EYS: variants seen among roughly 807,000 people sequenced by gnomAD.
The protein encoded by EYS is EGF-like photoreceptor maintenance factor, also known as protein eyes shut homolog.
A neutral mutation model predicts 282.1 loss-of-function variants in EYS; 250 were observed. The observed-to-expected ratio is 0.89, with a 90% CI of 0.80 to 0.98. EYS has a LOEUF of 0.98. Ranked by LOEUF, EYS falls within the 50% of genes least tolerant of loss-of-function variation. The probability of loss-of-function intolerance (pLI) is 0.00; values close to 1 mark genes in which losing one functional copy is unlikely to be tolerated. For synonymous variants in EYS, 1,355 were observed against 1,282.9 expected, an observed-to-expected ratio of 1.06 and a Z score of -1.20; for missense variants, 4,016 against 3,709.0, an observed-to-expected ratio of 1.08 and a Z score of -2.15.
intron 31 of EYS, among the ~76,000 whole-genome samples, chr6:64,203,516 T>G (rs184764239): frequency 8.2e-4 from 125 of 152,288 alleles, no homozygotes; most frequent in African/African-American, 3.0e-3. Context: ...CAGCATCCAC[T>G]AGACTAATTG....
Position 63,778,192 on chromosome 6 carries a change from G to A in EYS, c.7724-12C>T, listed in dbSNP as rs144282503. ...AGTGAAAATACAGCCTTGAAGAAAT[G>A]CAAAAACACTTCGTGTTAACAAACA... On this transcript the variant is annotated splice_polypyrimidine_tract_variant and intron_variant, in intron 39 of 42. Coordinates refer to ENST00000503581, the MANE Select transcript of EYS (RefSeq NM_001142800.2). 1.9e-4 allele frequency: 287 copies of A among 1,550,362 alleles called. 2 individuals are homozygous for A. In the East Asian group the frequency reaches 4.7e-3, roughly 26 times the overall value.
chr6:65,569,966 T>A (rs1764423115), intron 2 of EYS, among the ~76,000 whole-genome samples: 1 of 151,866 alleles, frequency 6.6e-6, no homozygotes, highest in Non-Finnish European at 1.5e-5. Flanking sequence ...ACCTGTTGAG[T>A]GGTTACACTG....
At chr6:64,371,228 A>G (rs59658710) in intron 29 of EYS, among the ~76,000 whole-genome samples, 4,727 of 151,530 alleles carry the variant, frequency 0.031, 230 homozygotes, top group African/African-American at 0.11. Flanking sequence ...TTTTTCCATT[A>G]GTTTCAAAGA....
chr6:64,950,158 T>C (rs1769435051), intron 14 of EYS, among the ~76,000 whole-genome samples: 1 of 151,922 alleles, frequency 6.6e-6, no homozygotes, highest in East Asian at 1.9e-4. Context: ...TTACATGAAG[T>C]GGATTAATAT....
At chr6:64,294,208 A>T (rs1458450968) in intron 30 of EYS, among the ~76,000 whole-genome samples, 1 of 152,190 alleles carries the variant, frequency 6.6e-6, no homozygotes. Context: ...ACCAAATAAA[A>T]ACCAAAATAC....
At chr6:65,041,043 T>A (rs1254645573) in intron 13 of EYS, among the ~76,000 whole-genome samples, 2 of 151,758 alleles carry the variant, frequency 1.3e-5, no homozygotes, top group Non-Finnish European at 2.9e-5. Context: ...TTTACTACAG[T>A]TTCTCTGTTT....
chr6:64,280,621 A>G (rs1768273896), intron 30 of EYS, among the ~76,000 whole-genome samples: 1 of 152,130 alleles, frequency 6.6e-6, no homozygotes, highest in South Asian at 2.1e-4. Flanking sequence ...AAGTAAAATA[A>G]AACCCTGTGA....
chr6:64,724,091 A>G (rs1215197644), intron 22 of EYS, among the ~76,000 whole-genome samples: 1 of 152,006 alleles, frequency 6.6e-6, no homozygotes, highest in East Asian at 1.9e-4. Context: ...TTGTTTTAAC[A>G]TTTAATACAA....
At chr6:65,425,074 A>G (rs1004955760) in intron 5 of EYS, among the ~76,000 whole-genome samples, 2 of 152,066 alleles carry the variant, frequency 1.3e-5, no homozygotes, top group South Asian at 2.1e-4. Context: ...TTGACCAACT[A>G]TCTTGGTCAG....
At chr6:65,143,510 T>C (rs911979319) in intron 12 of EYS, among the ~76,000 whole-genome samples, 1 of 152,012 alleles carries the variant, frequency 6.6e-6, no homozygotes, top group African/African-American at 2.4e-5. Flanking sequence ...AAAATATTAT[T>C]TTGGGAAATT....
At chr6:64,094,522 G>T (rs1038365651) in intron 31 of EYS, among the ~76,000 whole-genome samples, 1 of 152,116 alleles carries the variant, frequency 6.6e-6, no homozygotes, top group Non-Finnish European at 1.5e-5. Flanking sequence ...ATTTCTTCTA[G>T]ATTTTCTAGT....
chr6:64,642,910 G>A (rs1461467086), intron 22 of EYS, among the ~76,000 whole-genome samples: 2 of 152,190 alleles, frequency 1.3e-5, no homozygotes, highest in African/African-American at 4.8e-5. Context: ...GAGGTCAGGA[G>A]TTCGAGACCA....
At chr6:64,686,785 ATATG>A (rs367725267) in intron 22 of EYS, among the ~76,000 whole-genome samples, 16,864 of 32,948 alleles carry the variant, frequency 0.51, 5,811 homozygotes, top group Non-Finnish European at 0.69. Context: ...ATATATATAT[ATATG>A]TGTGTATATA....
At chr6:64,414,458 T>G (rs1398341869) in intron 28 of EYS, among the ~76,000 whole-genome samples, 1 of 152,062 alleles carries the variant, frequency 6.6e-6, no homozygotes, top group Admixed American at 6.6e-5. Flanking sequence ...TTCCAGCATC[T>G]TATATCAGAC....
chr6:64,246,034 A>AAAAAG (rs1767006876), intron 30 of EYS, among the ~76,000 whole-genome samples: 1 of 150,358 alleles, frequency 6.7e-6, no homozygotes, highest in Non-Finnish European at 1.5e-5. Context: ...AAAAAAAAAA[A>AAAAAG]AAAAAAAAAA....
At chr6:64,315,464 A>G (rs1428840643) in intron 29 of EYS, among the ~76,000 whole-genome samples, 1 of 152,008 alleles carries the variant, frequency 6.6e-6, no homozygotes, top group Non-Finnish European at 1.5e-5. Context: ...ACACATACAC[A>G]AAAAGAACAT....
chr6:63,923,802 TC>T (rs2149745492), intron 35 of EYS, among the ~76,000 whole-genome samples: 1 of 152,306 alleles, frequency 6.6e-6, no homozygotes, highest in Non-Finnish European at 1.5e-5. Flanking sequence ...TTGTTTAGCT[TC>T]CACTCATAAG....
chr6:65,039,661 C>CT, intron 13 of EYS, among the ~76,000 whole-genome samples: 1 of 151,150 alleles, frequency 6.6e-6, no homozygotes, highest in Non-Finnish European at 1.5e-5. Flanking sequence ...GCATATTTTC[C>CT]TTTTTAAAAA....
At chr6:64,066,296 A>G in intron 33 of EYS, 42 bp downstream of exon 33, 1 of 1,518,604 alleles carries the variant, frequency 6.6e-7, no homozygotes, top group Non-Finnish European at 8.8e-7. Flanking sequence ...CGAACAAACA[A>G]AATTTCAGCA....
Sources: gnomAD v4.1 joint callset for allele counts (sites outside exome capture counted in the v4.1 genomes callset) on GRCh38, gnomAD v4.1.1 for gene constraint, MANE v1.5 for transcripts, NCBI Gene and HGNC (gene_info 2026-07-23, HGNC 2026-07-21) for gene names.